AGK: variants seen among roughly 807,000 people sequenced by gnomAD.
The protein encoded by AGK is acylglycerol kinase.
A neutral mutation model predicts 66.4 loss-of-function variants in AGK; 52 were observed. That is an observed-to-expected ratio of 0.78 (90% CI 0.63 to 0.99). The LOEUF (loss-of-function observed/expected upper bound fraction) is 0.99. AGK is among the 50% of genes least tolerant of loss of function. AGK has a pLI of 0.00. For missense variants in AGK, 451 were observed against 506.6 expected (o/e 0.89, Z 1.05); for synonymous variants, 182 against 181.1 (o/e 1.00, Z -0.04).
At chr7:141,612,648 A>G (rs894609950) in intron 6 of AGK, among the ~76,000 whole-genome samples, 1 of 152,192 alleles carries the variant, frequency 6.6e-6, no homozygotes, top group Non-Finnish European at 1.5e-5. Flanking sequence ...CAGAGGGGAC[A>G]TGGGAAATCT....
chr7:141,593,257 G>A (rs1378126125), intron 3 of AGK, 72 bp downstream of exon 3: 1 of 1,374,584 alleles, frequency 7.3e-7, no homozygotes, highest in African/African-American at 1.4e-5. Flanking sequence ...AGCTCTTTCA[G>A]GGGACTTGCA....
intron 3 of AGK, among the ~76,000 whole-genome samples, chr7:141,595,883 A>C (rs1397803665): frequency 4.6e-5 from 7 of 151,982 alleles, no homozygotes; most frequent in African/African-American, 1.7e-4. Context: ...TAATTGATCA[A>C]CTCTGTGACT....
At chr7:141,648,321 A>G (rs896370014) in intron 13 of AGK, among the ~76,000 whole-genome samples, 7 of 152,258 alleles carry the variant, frequency 4.6e-5, no homozygotes, top group African/African-American at 1.7e-4. Context: ...TTGTAGGCAG[A>G]AAGTCATGTG....
intron 14 of AGK, among the ~76,000 whole-genome samples, chr7:141,651,087 G>C (rs1035375198): frequency 1.3e-5 from 2 of 152,238 alleles, no homozygotes; most frequent in Non-Finnish European, 2.9e-5. Flanking sequence ...AAGACTAGTT[G>C]TTCATATACA....
chr7:141,593,946 A>G (rs1178211548), intron 3 of AGK: 1 of 153,692 alleles, frequency 6.5e-6, no homozygotes, highest in Admixed American at 6.4e-5. Context: ...TTAATGGATG[A>G]CAGTGAGAAT....
At chr7:141,614,968 G>A (rs1161846934) in intron 7 of AGK, among the ~76,000 whole-genome samples, 1 of 152,136 alleles carries the variant, frequency 6.6e-6, no homozygotes, top group Non-Finnish European at 1.5e-5. Context: ...TCTATTGTAT[G>A]TGTGGCATTT....
chr7:141,629,320 A>G (rs1027496441), intron 9 of AGK, among the ~76,000 whole-genome samples: 5 of 152,112 alleles, frequency 3.3e-5, no homozygotes, highest in Admixed American at 3.3e-4. Flanking sequence ...TACTGTTTCT[A>G]GGGGAGGCTG....
chr7:141,565,092 T>G (rs1795441090), intron 2 of AGK, among the ~76,000 whole-genome samples: 1 of 152,166 alleles, frequency 6.6e-6, no homozygotes, highest in African/African-American at 2.4e-5. Context: ...GACTCTGCCC[T>G]AGGCCTTCTT....
In AGK at chr7:141,593,143, T is replaced by C. The variant is rs771235779; in HGVS notation, c.102-3T>C. 1 of 1,610,774 alleles carries C rather than the reference T, an allele frequency of 6.2e-7. No homozygotes were observed. The highest frequency in any genetic ancestry group is 8.5e-7 in the Non-Finnish European group (1 of 1,178,826). Reference sequence around the variant, plus strand: ...GATTATTCTCTTTTGCTTACTTTGATAGTGATAACCTCCTAAGGAGAGCAG... The same window carrying C: ...GATTATTCTCTTTTGCTTACTTTGACAGTGATAACCTCCTAAGGAGAGCAG... On this transcript the variant is annotated splice_polypyrimidine_tract_variant and splice_region_variant and intron_variant, in intron 2 of 15. Coordinates refer to ENST00000649286, the MANE Select transcript of AGK (RefSeq NM_018238.4).
At chr7:141,630,999 A>C (rs569079057) in intron 9 of AGK, among the ~76,000 whole-genome samples, 1 of 152,276 alleles carries the variant, frequency 6.6e-6, no homozygotes, top group African/African-American at 2.4e-5. Flanking sequence ...GGGTTCCATC[A>C]ATACTGAGTG....
Position 141,604,363 on chromosome 7 carries a change from T to C in AGK, c.297+3083T>C, listed in dbSNP as rs1475806323. On this transcript the variant is annotated intron_variant, in intron 5 of 15. Coordinates refer to ENST00000649286, the MANE Select transcript of AGK (RefSeq NM_018238.4). The stretch of plus-strand genomic sequence containing the variant: ...GTATGTGTGTGCATATGTATGAATG[T>C]GTGTGTGTGTGTATATATATATATA... Among the ~76,000 whole-genome samples, 20 of 102,628 alleles carry C rather than the reference T, an allele frequency of 1.9e-4. No individual in the cohort carries two copies. In the Admixed American group the frequency reaches 2.2e-3, roughly 11 times the overall value. 67.3% of individuals were successfully genotyped at this position (102,628 alleles called of 152,430 possible).
intron 2 of AGK, among the ~76,000 whole-genome samples, chr7:141,585,173 C>G (rs116303545): frequency 2.6e-5 from 4 of 152,118 alleles, no homozygotes; most frequent in Non-Finnish European, 4.4e-5. Context: ...TTCTGTCGGC[C>G]GAAAAGATCA....
intron 5 of AGK, among the ~76,000 whole-genome samples, chr7:141,610,085 C>T (rs1796551254): frequency 6.6e-6 from 1 of 151,900 alleles, no homozygotes. Context: ...TCTCCTGCCT[C>T]AGCTTCCTGA....
intron 13 of AGK, among the ~76,000 whole-genome samples, chr7:141,647,688 G>A (rs1328987156): frequency 3.9e-5 from 6 of 152,178 alleles, no homozygotes; most frequent in African/African-American, 1.4e-4. Flanking sequence ...TTGATTGATT[G>A]AGACGGAGTT....
intron 9 of AGK, among the ~76,000 whole-genome samples, chr7:141,625,721 C>A (rs1490472556): frequency 6.6e-6 from 1 of 152,114 alleles, no homozygotes; most frequent in Non-Finnish European, 1.5e-5. Flanking sequence ...TCCTCTCATG[C>A]CCTGCCAAAG....
At chr7:141,632,444 G>A (rs994255000) in intron 9 of AGK, among the ~76,000 whole-genome samples, 2 of 152,232 alleles carry the variant, frequency 1.3e-5, no homozygotes, top group Non-Finnish European at 1.5e-5. Flanking sequence ...ATGGGTTCAT[G>A]TGTGAATTCT....
At chr7:141,554,765 A>C (rs1795171869) in intron 1 of AGK, among the ~76,000 whole-genome samples, 1 of 152,222 alleles carries the variant, frequency 6.6e-6, no homozygotes, top group South Asian at 2.1e-4. Context: ...AGTCTTCCTA[A>C]TTTACCTTCT....
chr7:141,579,659 G>C (rs1795841453), intron 2 of AGK, among the ~76,000 whole-genome samples: 1 of 151,964 alleles, frequency 6.6e-6, no homozygotes, highest in Admixed American at 6.5e-5. Flanking sequence ...TAGAATAGCA[G>C]ATGGAACACT....
intron 1 of AGK, among the ~76,000 whole-genome samples, chr7:141,552,607 G>A (rs542295213): frequency 1.5e-3 from 235 of 152,330 alleles, no homozygotes; most frequent in African/African-American, 5.4e-3. Flanking sequence ...CGCTGTTGAT[G>A]AGATTCAGGA....
Sources: gnomAD v4.1 joint callset for allele counts (sites outside exome capture counted in the v4.1 genomes callset) on GRCh38, gnomAD v4.1.1 for gene constraint, MANE v1.5 for transcripts, NCBI Gene and HGNC (gene_info 2026-07-23, HGNC 2026-07-21) for gene names.